The following CFAP52 variants were observed in gnomAD, a reference collection of about 807,000 sequenced individuals.
The protein encoded by CFAP52 is cilia- and flagella-associated protein 52.
In CFAP52, 57 loss-of-function variants were observed where a neutral mutation model predicts 70.5. The observed-to-expected ratio is 0.81, with a 90% CI of 0.65 to 1.01. CFAP52 has a LOEUF of 1.01. CFAP52 is among the 50% of genes least tolerant of loss of function. The pLI is 0.00. For synonymous variants in CFAP52, 267 were observed against 292.5 expected, an observed-to-expected ratio of 0.91 and a Z score of 0.89; for missense variants, 785 against 788.5, an observed-to-expected ratio of 1.00 and a Z score of 0.05.
At chr17:9,593,684 G>A (rs1908865540) in intron 3 of CFAP52, among the ~76,000 whole-genome samples, 1 of 152,106 alleles carries the variant, frequency 6.6e-6, no homozygotes, top group African/African-American at 2.4e-5. Context: ...TCAAACTCCT[G>A]ACCTCAGGTG....
chr17:9,622,026 T>C (rs1173413868), intron 8 of CFAP52, among the ~76,000 whole-genome samples: 1 of 152,172 alleles, frequency 6.6e-6, no homozygotes, highest in African/African-American at 2.4e-5. Flanking sequence ...TAAATAAATA[T>C]AGTTTTTCAT....
intron 1 of CFAP52, among the ~76,000 whole-genome samples, chr17:9,577,217 C>T (rs1372841762): frequency 6.6e-6 from 1 of 152,166 alleles, no homozygotes; most frequent in Non-Finnish European, 1.5e-5. Context: ...ACTGGCGTAC[C>T]AGTGAGAAAG....
intron 1 of CFAP52, among the ~76,000 whole-genome samples, chr17:9,582,549 G>A (rs1225215273): frequency 3.3e-5 from 5 of 152,168 alleles, no homozygotes; most frequent in Non-Finnish European, 7.3e-5. Flanking sequence ...ATATTATGGA[G>A]ATGATCCTTT....
At chr17:9,634,786 T>A (rs1018620773) in intron 10 of CFAP52, among the ~76,000 whole-genome samples, 6 of 152,140 alleles carry the variant, frequency 3.9e-5, no homozygotes, top group African/African-American at 1.4e-4. Flanking sequence ...AATACCATAC[T>A]AACTAAACAA....
At chr17:9,588,452 G>A (rs1908596095) in intron 3 of CFAP52, among the ~76,000 whole-genome samples, 1 of 152,198 alleles carries the variant, frequency 6.6e-6, no homozygotes, top group Admixed American at 6.5e-5. Context: ...GGAGATGCCA[G>A]CTCAAGCAGC....
chr17:9,633,762 C>T (rs1377033883), intron 10 of CFAP52, among the ~76,000 whole-genome samples: 4 of 150,872 alleles, frequency 2.7e-5, no homozygotes, highest in African/African-American at 7.3e-5. Flanking sequence ...CTGCAAGCTC[C>T]GCCTCCTGGG....
chr17:9,598,987 A>G (rs1202249849), intron 5 of CFAP52, among the ~76,000 whole-genome samples: 1 of 152,172 alleles, frequency 6.6e-6, no homozygotes, highest in Non-Finnish European at 1.5e-5. Flanking sequence ...CTGAAAATAA[A>G]GTTTCTGACC....
At chr17:9,608,254 G>A in intron 7 of CFAP52, 35 bp downstream of exon 7, 1 of 1,474,324 alleles carries the variant, frequency 6.8e-7, no homozygotes, top group African/African-American at 1.4e-5. Flanking sequence ...GGGCTGGGTA[G>A]AGACCCACTA....
chr17:9,641,912 A>T, intron 13 of CFAP52, 77 bp downstream of exon 13: 1 of 1,325,220 alleles, frequency 7.5e-7, no homozygotes, highest in Non-Finnish European at 1.1e-6. Flanking sequence ...GGCTAGAGGC[A>T]ATTGGAAAAG....
chr17:9,609,520 C>G (rs1485009498), intron 7 of CFAP52, among the ~76,000 whole-genome samples: 1 of 152,000 alleles, frequency 6.6e-6, no homozygotes, highest in African/African-American at 2.4e-5. Flanking sequence ...CACAGTGAAG[C>G]CTCATCTCTA....
At chr17:9,602,870 T>C (rs897546000) in intron 6 of CFAP52, among the ~76,000 whole-genome samples, 1 of 152,204 alleles carries the variant, frequency 6.6e-6, no homozygotes, top group African/African-American at 2.4e-5. Flanking sequence ...TGACCAGTAA[T>C]AATGAGCTTT....
At chr17:9,593,327 A>C (rs1204119741) in intron 3 of CFAP52, among the ~76,000 whole-genome samples, 1 of 152,234 alleles carries the variant, frequency 6.6e-6, no homozygotes, top group Non-Finnish European at 1.5e-5. Context: ...TGGTTCCCAG[A>C]CCAGCAGCAC....
chr17:9,636,737 A>C (rs908155463), intron 11 of CFAP52, among the ~76,000 whole-genome samples: 3 of 152,106 alleles, frequency 2.0e-5, no homozygotes, highest in African/African-American at 7.2e-5. Flanking sequence ...CTCAATGTGT[A>C]CTTAATACAT....
chr17:9,609,074 G>A (rs185126865), intron 7 of CFAP52, among the ~76,000 whole-genome samples: 7 of 152,290 alleles, frequency 4.6e-5, no homozygotes, highest in African/African-American at 1.7e-4. Flanking sequence ...CCACACATGT[G>A]CTTTATGGCC....
At chr17:9,602,721 C>T (rs1348670038) in intron 6 of CFAP52, among the ~76,000 whole-genome samples, 1 of 152,214 alleles carries the variant, frequency 6.6e-6, no homozygotes, top group Non-Finnish European at 1.5e-5. Context: ...AACTAATTTA[C>T]ACTCCCACCA....
intron 1 of CFAP52, among the ~76,000 whole-genome samples, chr17:9,580,090 T>C (rs1908145460): frequency 6.6e-6 from 1 of 152,180 alleles, no homozygotes; most frequent in Admixed American, 6.5e-5. Flanking sequence ...TCTTGTAAAC[T>C]AAAAACAGCA....
At chr17:9,597,803 AAG>A (rs10548437) in intron 4 of CFAP52, among the ~76,000 whole-genome samples, 1,445 of 138,396 alleles carry the variant, frequency 0.01, 1 homozygote, top group African/African-American at 0.012. Flanking sequence ...CTCTGTCAGA[AAG>A]AGAGAGAGAG....
intron 11 of CFAP52, 67 bp from the exon 12 acceptor site, chr17:9,638,542 T>A (rs1910910173): frequency 6.7e-7 from 1 of 1,492,732 alleles, no homozygotes; most frequent in East Asian, 2.3e-5. Flanking sequence ...AAATCCAGCT[T>A]GAATAGTGAA....
chr17:9,607,379 A>G (rs1254610312), intron 6 of CFAP52, among the ~76,000 whole-genome samples: 2 of 152,214 alleles, frequency 1.3e-5, no homozygotes, highest in African/African-American at 4.8e-5. Context: ...TAAATAAAAT[A>G]AAATATTGCT....
Sources: gnomAD v4.1 joint callset for allele counts (sites outside exome capture counted in the v4.1 genomes callset) on GRCh38, gnomAD v4.1.1 for gene constraint, MANE v1.5 for transcripts, NCBI Gene and HGNC (gene_info 2026-07-23, HGNC 2026-07-21) for gene names.